IL1RAPL1: variants seen among roughly 807,000 people sequenced by gnomAD.
IL1RAPL1 encodes the protein interleukin 1 receptor accessory protein like 1.
A neutral mutation model predicts 48.4 loss-of-function variants in IL1RAPL1; 3 were observed. The ratio of observed to expected loss-of-function variants is 0.06; its 90% CI spans 0.03 to 0.16. The LOEUF is 0.16. Ranked by LOEUF, IL1RAPL1 falls within the 10% of genes least tolerant of loss-of-function variation. IL1RAPL1 has a pLI of 1.00. For synonymous variants in IL1RAPL1, 185 were observed against 187.7 expected, an observed-to-expected ratio of 0.99 and a Z score of 0.12; for missense variants, 349 against 530.6, an observed-to-expected ratio of 0.66 and a Z score of 3.36.
chrX:29,668,739 A>C (rs767867877), intron 6 of IL1RAPL1, among the ~76,000 whole-genome samples: 49 of 111,691 alleles, frequency 4.4e-4, no homozygotes, highest in Non-Finnish European at 8.7e-4. Context: ...TTATTGGAAA[A>C]TGAGATAGGC....
chrX:29,723,101 C>T (rs1292883262), intron 6 of IL1RAPL1, among the ~76,000 whole-genome samples: 3 of 111,789 alleles, frequency 2.7e-5, no homozygotes, highest in African/African-American at 9.7e-5. Context: ...TTTATCAGAC[C>T]GGATAGAATG....
At chrX:29,135,838 G>A (rs910660200) in intron 2 of IL1RAPL1, among the ~76,000 whole-genome samples, 5 of 111,537 alleles carry the variant, frequency 4.5e-5, no homozygotes, top group African/African-American at 1.6e-4. Flanking sequence ...ATGCTCAAGC[G>A]ATCCTCCTGC....
rs184047935 is a variant in IL1RAPL1 at position 28,714,551 on chromosome X, C to T, written c.-24-74769C>T. Among the ~76,000 whole-genome samples the T allele has an allele frequency of 3.7e-3, 412 of 112,077 alleles. 4 individuals are homozygous for T. Among genetic ancestry groups the T allele is most frequent in the African/African-American group, 0.013 (392 of 30,879 alleles). On this transcript the variant is annotated intron_variant, in intron 1 of 10. Coordinates refer to ENST00000378993, the MANE Select transcript of IL1RAPL1 (RefSeq NM_014271.4). ...TCAGGAACTCAGACCAAGACACAAA[C>T]TCATGCACATGCTAAACTGTGAAAG...
intron 2 of IL1RAPL1, among the ~76,000 whole-genome samples, chrX:29,265,644 C>T (rs2147586663): frequency 1.3e-5 from 1 of 79,931 alleles, no homozygotes; most frequent in South Asian, 8.8e-4. Context: ...ACAACAGTCC[C>T]CAGAGTGTGA....
chrX:29,519,190 T>C (rs1481502429), intron 5 of IL1RAPL1, among the ~76,000 whole-genome samples: 1 of 111,659 alleles, frequency 9.0e-6, no homozygotes, highest in Admixed American at 9.5e-5. Context: ...TTGAATCCCA[T>C]GTAGCCATTA....
rs1202117519 is a variant in IL1RAPL1, at chrX:29,327,846, A to G, written c.362+44629A>G. On this transcript the variant is annotated intron_variant, in intron 3 of 10. Transcript: ENST00000378993. Reference sequence around the variant, plus strand: ...CAACAATTCAGTATCTGTCACAACTATTCGACTCCACCATTGGAATGCTAA... The same window carrying G: ...CAACAATTCAGTATCTGTCACAACTGTTCGACTCCACCATTGGAATGCTAA... Among the ~76,000 whole-genome samples, 11 of 110,351 alleles carry G rather than the reference A, an allele frequency of 1.0e-4. No individual in the cohort carries two copies. In the East Asian group the frequency reaches 3.1e-3, roughly 31 times the overall value.
intron 5 of IL1RAPL1, among the ~76,000 whole-genome samples, chrX:29,414,060 A>T (rs191304421): frequency 7.7e-4 from 86 of 111,076 alleles, no homozygotes; most frequent in Non-Finnish European, 1.3e-4. Flanking sequence ...CTATTTTACA[A>T]AACTGATTTA....
Position 29,487,222 on chromosome X carries a change from C to T in IL1RAPL1, c.703+87914C>T, listed in dbSNP as rs764248052. 2.6e-4 allele frequency among the ~76,000 whole-genome samples: 29 copies of T among 111,819 alleles called. No homozygotes were observed. The South Asian group carries it at 6.8e-3, about 26-fold the overall frequency. ...TATGATCTGTACCTCCTCTTTCTTG[C>T]TTACATATAATAGAGCATATTTTAT... On this transcript the variant is annotated intron_variant, in intron 5 of 10. Transcript: ENST00000378993.
At chrX:29,610,763 G>A (rs1323197681) in intron 5 of IL1RAPL1, among the ~76,000 whole-genome samples, 1 of 112,648 alleles carries the variant, frequency 8.9e-6, no homozygotes, top group Non-Finnish European at 1.9e-5. Context: ...GGAGCACACA[G>A]ATGGGCAGGT....
At chrX:28,960,397 A>G (rs1195216107) in intron 2 of IL1RAPL1, among the ~76,000 whole-genome samples, 1 of 112,072 alleles carries the variant, frequency 8.9e-6, no homozygotes, top group Non-Finnish European at 1.9e-5. Context: ...AGAGGGACTG[A>G]TAATAGTTAC....
chrX:29,948,850 A>G (rs1933261026), intron 9 of IL1RAPL1, among the ~76,000 whole-genome samples: 1 of 110,599 alleles, frequency 9.0e-6, no homozygotes, highest in South Asian at 3.8e-4. Context: ...AAAAAAGAAA[A>G]AAAAAAAAGG....
At chrX:28,752,718 C>T (rs1325497045) in intron 1 of IL1RAPL1, among the ~76,000 whole-genome samples, 1 of 112,202 alleles carries the variant, frequency 8.9e-6, no homozygotes, top group African/African-American at 3.2e-5. Context: ...GCCCAGGCTT[C>T]CAGCCCCTAT....
At chrX:28,948,615 T>C (rs186887503) in intron 2 of IL1RAPL1, among the ~76,000 whole-genome samples, 1 of 111,856 alleles carries the variant, frequency 8.9e-6, no homozygotes, top group East Asian at 2.8e-4. Flanking sequence ...TGAAGTGTTA[T>C]AAGAATTTTA....
chrX:29,051,933 CATT>C (rs958698317), intron 2 of IL1RAPL1, among the ~76,000 whole-genome samples: 35 of 111,985 alleles, frequency 3.1e-4, no homozygotes, highest in African/African-American at 1.0e-3. Flanking sequence ...CAATGGAAAA[CATT>C]ATTTCTTTGC....
intron 1 of IL1RAPL1, among the ~76,000 whole-genome samples, chrX:28,697,636 A>G (rs891841289): frequency 1.8e-5 from 2 of 111,578 alleles, no homozygotes; most frequent in Non-Finnish European, 3.8e-5. Flanking sequence ...AAAATTTAAG[A>G]TTGTTTATTA....
At chrX:29,142,182 T>C (rs1378709074) in intron 2 of IL1RAPL1, among the ~76,000 whole-genome samples, 5 of 112,044 alleles carry the variant, frequency 4.5e-5, no homozygotes, top group African/African-American at 1.3e-4. Context: ...TTCAATCTTA[T>C]TATTTAAAAA....
At chrX:29,772,778 G>A (rs749022041) in intron 6 of IL1RAPL1, among the ~76,000 whole-genome samples, 1 of 111,428 alleles carries the variant, frequency 9.0e-6, no homozygotes, top group Non-Finnish European at 1.9e-5. Context: ...ATAAGTAAGC[G>A]CCTTCTACTT....
At chrX:28,719,304 A>C (rs1360143095) in intron 1 of IL1RAPL1, among the ~76,000 whole-genome samples, 2 of 111,076 alleles carry the variant, frequency 1.8e-5, no homozygotes, top group Non-Finnish European at 3.8e-5. Context: ...TGTAAAGAGC[A>C]CTGCACTGAA....
chrX:29,765,264 T>A (rs973286403), intron 6 of IL1RAPL1, among the ~76,000 whole-genome samples: 24 of 97,193 alleles, frequency 2.5e-4, no homozygotes, highest in East Asian at 6.4e-4. Flanking sequence ...TTTTTTTTTT[T>A]AAATCAATGG....
Sources: gnomAD v4.1 joint callset for allele counts (sites outside exome capture counted in the v4.1 genomes callset) on GRCh38, gnomAD v4.1.1 for gene constraint, MANE v1.5 for transcripts, NCBI Gene and HGNC (gene_info 2026-07-23, HGNC 2026-07-21) for gene names.